ZNF175: variants seen among roughly 807,000 people sequenced by gnomAD.
The protein encoded by ZNF175 is zinc finger protein OTK18.
In ZNF175, 8 loss-of-function variants were observed where a neutral mutation model predicts 14.0. The observed-to-expected ratio is 0.57, with a 90% confidence interval of 0.34 to 1.03. The LOEUF (loss-of-function observed/expected upper bound fraction) is 1.03, where lower values mean the gene tolerates loss of function less well. Among genes scored for constraint, ZNF175 ranks in the 50% least tolerant of loss-of-function variants. ZNF175 has a pLI of 0.03. For missense variants in ZNF175, 764 were observed against 849.5 expected, an observed-to-expected ratio of 0.90 and a Z score of 1.25; for synonymous variants, 255 against 296.8, an observed-to-expected ratio of 0.86 and a Z score of 1.45.
intron 2 of ZNF175, among the ~76,000 whole-genome samples, chr19:51,577,308 C>G (rs1222012960): frequency 1.3e-5 from 2 of 152,152 alleles, no homozygotes; most frequent in Non-Finnish European, 2.9e-5. Flanking sequence ...CACATATAGT[C>G]TCTCTGCTCT....
At position 51,586,644 on chromosome 19, in the gene ZNF175, G is replaced by C. The variant is rs1982171261; in HGVS notation, c.313G>C (p.Glu105Gln). The change falls in exon 5 of 5, where the codon GAA (glutamate) becomes CAA (glutamine). Residue 105 changes from glutamate to glutamine, a missense_variant. Coordinates refer to ENST00000262259, the MANE Select transcript of ZNF175 (RefSeq NM_007147.4). The stretch of plus-strand genomic sequence containing the variant: ...CCTTTTAGAAAGGGAGTTTGGGCTT[G>C]AAATCCCACAAAAGGAGATTTCTAA... ...QRCQEREFGL[E>Q]IPQKEISKKA... The C allele has an allele frequency of 3.1e-6, 5 of 1,591,826 alleles. No individual in the cohort carries two copies. Among genetic ancestry groups the C allele is most frequent in the Non-Finnish European group, 4.3e-6 (5 of 1,169,996 alleles).
chr19:51,574,265 G>A (rs984049831), intron 2 of ZNF175: 4 of 151,418 alleles, frequency 2.6e-5, no homozygotes, highest in African/African-American at 9.7e-5. Context: ...CAACCTGCTA[G>A]AAACATTTGA....
Position 51,587,344 on chromosome 19 carries a change from A to G in ZNF175, c.1013A>G (p.Lys338Arg). The G allele has an allele frequency of 6.2e-7, 1 of 1,614,184 alleles. No homozygotes were observed. The highest frequency in any genetic ancestry group is 8.5e-7 in the Non-Finnish European group (1 of 1,180,020). The stretch of plus-strand genomic sequence containing the variant: ...ACAGGTGATATACCCTGTATATGCA[A>G]GGAATGTGGGAAGGTCTTTATTCAG... ...DHTGDIPCICKECGKVFIQRS... is the reference protein window; with the variant it reads ...DHTGDIPCICRECGKVFIQRS... The change falls in exon 5 of 5, where the codon AAG becomes AGG. Residue 338 changes from lysine to arginine, a missense_variant. Physicochemically the swap from Lys to Arg is conservative, Grantham distance 26. Transcript: ENST00000262259.
Position 51,591,778 on chromosome 19 carries a change from TTC to T in ZNF175, c.*3313_*3314del, listed in dbSNP as rs1555786260. 32 of 150,336 alleles carry T rather than the reference TTC, an allele frequency of 2.1e-4. 3 individuals are homozygous for T. Among genetic ancestry groups the T allele is most frequent in the East Asian group, 3.9e-4 (2 of 5,150 alleles). The allele number at this position is 150,336 out of a possible 1,614,324, so 9.3% of individuals were successfully genotyped here. A position where few individuals can be genotyped will look rare whatever the true frequency, so the allele number is the denominator to read the frequency against. ...CCTCCTCATGACCTTTTTTTTTTTT[TTC>T]TTGTGAGATGGAGTCTCGCTCTGTC... On this transcript the variant is annotated 3_prime_UTR_variant, in exon 5 of 5. Transcript: ENST00000262259.
chr19:51,575,229 T>G (rs1048917380), intron 2 of ZNF175, among the ~76,000 whole-genome samples: 1 of 145,138 alleles, frequency 6.9e-6, no homozygotes, highest in African/African-American at 2.5e-5. Flanking sequence ...TTTTTTTTTT[T>G]TTTTTGAGAC....
At chr19:51,575,199 T>C (rs1981730020) in intron 2 of ZNF175, among the ~76,000 whole-genome samples, 1 of 151,154 alleles carries the variant, frequency 6.6e-6, no homozygotes, top group Admixed American at 6.6e-5. Context: ...GCCTCCGGAT[T>C]TTTAGAGAGG....
intron 2 of ZNF175, among the ~76,000 whole-genome samples, chr19:51,577,936 T>G (rs11084091): frequency 0.6 from 90,379 of 150,516 alleles, 27,958 homozygotes; most frequent in East Asian, 0.99. Flanking sequence ...GTGCTGGGAT[T>G]ACAGGCGTGA....
Position 51,573,387 on chromosome 19 carries a change from G to A in ZNF175, c.58G>A (p.Asp20Asn), listed in dbSNP as rs375453273. ...KPQVLGPEKQDGSCEASVSFE... is the reference protein window; with the variant it reads ...KPQVLGPEKQNGSCEASVSFE... ...TCAGGTCCTGGGTCCAGAGAAGCAG[G>A]ATGGATCTTGCGAGGTAAACAGGGG... Residue 20 changes from aspartate to asparagine, a missense_variant, in exon 2 of 5, where the codon GAT becomes AAT. Physicochemically the swap from Asp to Asn is conservative, Grantham distance 23. Coordinates refer to ENST00000262259, the MANE Select transcript of ZNF175 (RefSeq NM_007147.4). The A allele has an allele frequency of 1.2e-5, 20 of 1,612,494 alleles. No individual in the cohort carries two copies. In the African/African-American group the frequency reaches 2.5e-4, roughly 20 times the overall value.
intron 2 of ZNF175, among the ~76,000 whole-genome samples, chr19:51,577,330 ACT>A (rs1311729296): frequency 1.3e-5 from 2 of 150,800 alleles, no homozygotes; most frequent in African/African-American, 4.9e-5. Flanking sequence ...AAATCCTGAA[ACT>A]CTTTATTTTT....
chr19:51,580,524 C>G lies in ZNF175; in HGVS notation c.73-867C>G, dbSNP rs79592147. Among the ~76,000 whole-genome samples, 600 of 152,314 alleles carry G rather than the reference C, an allele frequency of 3.9e-3. 28 individuals carry two copies. The East Asian group carries it at 0.079, about 20-fold the overall frequency. ...AAGATCTTTCCATCATCAGTCCTTT[C>G]ATTAACCTAATATTAGTTATTACAG... On this transcript the variant is annotated intron_variant, in intron 2 of 4. Coordinates refer to ENST00000262259, the MANE Select transcript of ZNF175 (RefSeq NM_007147.4).
At chr19:51,583,313 CATGAG>C (rs1982072506) in intron 4 of ZNF175, among the ~76,000 whole-genome samples, 1 of 152,166 alleles carries the variant, frequency 6.6e-6, no homozygotes, top group African/African-American at 2.4e-5. Flanking sequence ...GGACAGTTCC[CATGAG>C]ATGACTCACT....
Position 51,577,725 on chromosome 19 carries a change from A to G in ZNF175, c.73-3666A>G, listed in dbSNP as rs576743934. Among the ~76,000 whole-genome samples the G allele has an allele frequency of 9.5e-3, 1,322 of 139,848 alleles. 14 individuals are homozygous for G. Among genetic ancestry groups the G allele is most frequent in the South Asian group, 0.053 (238 of 4,474 alleles). The allele number at this position is 139,848 out of a possible 152,430, so 91.7% of individuals were successfully genotyped here. On this transcript the variant is annotated intron_variant, in intron 2 of 4. Coordinates refer to ENST00000262259, the MANE Select transcript of ZNF175 (RefSeq NM_007147.4). ...GTCGCCCAGGCTGGAGTGCAGTGGCACGATCTTGGCTCACTGCAAGCTCCG... is the reference window on the plus strand; with the variant it reads ...GTCGCCCAGGCTGGAGTGCAGTGGCGCGATCTTGGCTCACTGCAAGCTCCG...
chr19:51,590,031 A>G lies in ZNF175; in HGVS notation c.*1564A>G, dbSNP rs1982306044. On this transcript the variant is annotated 3_prime_UTR_variant, in exon 5 of 5. Coordinates refer to ENST00000262259, the MANE Select transcript of ZNF175 (RefSeq NM_007147.4). ...TCCATGATGGATTGTACACACGTGT[A>G]TTCTATGAGGTTGACCTGCCATAAT... is the stretch of plus-strand genomic sequence containing the variant. The G allele has an allele frequency of 6.3e-6, 1 of 159,000 alleles. No individual in the cohort carries two copies. The highest frequency in any genetic ancestry group is 2.4e-5 in the African/African-American group (1 of 41,614). 9.8% of individuals were successfully genotyped at this position (159,000 alleles called of 1,614,324 possible). A position where few individuals can be genotyped will look rare whatever the true frequency, so the allele number is the denominator to read the frequency against.
intron 2 of ZNF175, among the ~76,000 whole-genome samples, chr19:51,580,112 C>T (rs1019418639): frequency 6.6e-6 from 1 of 151,896 alleles, no homozygotes; most frequent in Non-Finnish European, 1.5e-5. Context: ...AACATGGCTA[C>T]TAGACAATTT....
At chr19:51,581,936 A>G in intron 4 of ZNF175, 54 bp downstream of exon 4, 1 of 1,521,574 alleles carries the variant, frequency 6.6e-7, no homozygotes, top group East Asian at 2.3e-5. Flanking sequence ...AACCATTACC[A>G]GTCTACCATA....
At chr19:51,582,226 C>T (rs1982029562) in intron 4 of ZNF175, among the ~76,000 whole-genome samples, 1 of 152,210 alleles carries the variant, frequency 6.6e-6, no homozygotes, top group South Asian at 2.1e-4. Flanking sequence ...CTTGCTAACA[C>T]TTGGCATTAA....
rs1181340781 is a variant in ZNF175, at chr19:51,587,378, A to AT, written c.1049dup (p.Leu350PhefsTer10). 2 of 1,614,020 alleles carry AT rather than the reference A, an allele frequency of 1.2e-6. No homozygotes were observed. The highest frequency in any genetic ancestry group is 1.7e-6 in the Non-Finnish European group (2 of 1,180,012). ...GGAAGGTCTTTATTCAGAGATCAGA[A>AT]TTGCTTACGCACCAGAAAACACACA... On this transcript the variant is annotated frameshift_variant, in exon 5 of 5. Coordinates refer to ENST00000262259, the MANE Select transcript of ZNF175 (RefSeq NM_007147.4). LOFTEE classifies it low-confidence loss of function (END_TRUNC).
Position 51,588,357 on chromosome 19 carries a change from T to C in ZNF175, c.2026T>C (p.Cys676Arg), listed in dbSNP as rs772948932. Residue 676 changes from cysteine (C) to arginine (R), a missense_variant, in exon 5 of 5, where the codon TGT becomes CGT. By Grantham distance (180) the Cys-to-Arg change is radical. Coordinates refer to ENST00000262259, the MANE Select transcript of ZNF175 (RefSeq NM_007147.4). Reference sequence around the variant, plus strand: ...AGAAAGACCTTATGTGTGTTCTGAATGTGGAAAGGCCTTCAACAACAGGTC... The same window carrying C: ...AGAAAGACCTTATGTGTGTTCTGAACGTGGAAAGGCCTTCAACAACAGGTC... ...TGERPYVCSE[C>R]GKAFNNRSNF... The C allele has an allele frequency of 1.9e-6, 3 of 1,614,044 alleles. No individual in the cohort carries two copies. In the South Asian group the frequency reaches 3.3e-5, roughly 18 times the overall value.
intron 2 of ZNF175, among the ~76,000 whole-genome samples, chr19:51,579,858 G>A (rs989236335): frequency 2.6e-5 from 4 of 152,202 alleles, no homozygotes; most frequent in African/African-American, 9.6e-5. Context: ...GAATGCGGCT[G>A]GTTCACCCTG....
Sources: gnomAD v4.1 joint callset for allele counts (sites outside exome capture counted in the v4.1 genomes callset) on GRCh38, gnomAD v4.1.1 for gene constraint, MANE v1.5 for transcripts, NCBI Gene and HGNC (gene_info 2026-07-23, HGNC 2026-07-21) for gene names.